SOS2: variants seen among roughly 807,000 people sequenced by gnomAD.
SOS2 encodes the protein son of sevenless homolog 2.
SOS2 carries 65 observed loss-of-function variants against 148.2 expected under a neutral mutation model. The observed-to-expected ratio is 0.44, with a 90% CI of 0.36 to 0.54. SOS2 has a LOEUF of 0.54. SOS2 is among the 20% of genes least tolerant of loss of function. SOS2 has a pLI of 0.00. For synonymous variants in SOS2, 539 were observed against 537.1 expected (o/e 1.00, Z -0.05); for missense variants, 1,341 against 1,590.2 (o/e 0.84, Z 2.67).
intron 1 of SOS2, among the ~76,000 whole-genome samples, chr14:50,213,118 C>T (rs929435396): frequency 4.6e-5 from 7 of 151,846 alleles, no homozygotes; most frequent in African/African-American, 1.7e-4. Flanking sequence ...CAAAGGAATG[C>T]CCAGGATAAA....
At chr14:50,138,129 C>A (rs1166968742) in intron 18 of SOS2, among the ~76,000 whole-genome samples, 2 of 151,686 alleles carry the variant, frequency 1.3e-5, no homozygotes, top group Non-Finnish European at 2.9e-5. Context: ...GCGTGAGCCA[C>A]CATGCCCAGC....
chr14:50,214,861 A>C (rs1278755816), intron 1 of SOS2, among the ~76,000 whole-genome samples: 1 of 131,954 alleles, frequency 7.6e-6, no homozygotes, highest in Non-Finnish European at 1.6e-5. Context: ...TTTGAGACGG[A>C]GTCTTGTTCT....
At chr14:50,137,429 ATCAT>A (rs1453180706) in intron 18 of SOS2, among the ~76,000 whole-genome samples, 1 of 152,214 alleles carries the variant, frequency 6.6e-6, no homozygotes, top group Admixed American at 6.5e-5. Context: ...CTGCATGGAC[ATCAT>A]TCTACTTTGT....
At chr14:50,153,044 T>C in intron 13 of SOS2, 26 bp downstream of exon 13, 1 of 1,093,972 alleles carries the variant, frequency 9.1e-7, no homozygotes. Flanking sequence ...CAATATAAGA[T>C]TCAATCAAAC....
chr14:50,206,682 C>T (rs1886667700), intron 1 of SOS2, among the ~76,000 whole-genome samples: 1 of 152,114 alleles, frequency 6.6e-6, no homozygotes, highest in African/African-American at 2.4e-5. Flanking sequence ...ATTATGGTTT[C>T]TTCTTTCACC....
intron 8 of SOS2, among the ~76,000 whole-genome samples, chr14:50,170,743 G>C (rs1348515717): frequency 6.7e-6 from 1 of 150,370 alleles, no homozygotes. Flanking sequence ...AACATTACTA[G>C]TCATTAGGAA....
At chr14:50,170,464 T>C (rs1004440407) in intron 8 of SOS2, among the ~76,000 whole-genome samples, 14 of 152,024 alleles carry the variant, frequency 9.2e-5, no homozygotes, top group African/African-American at 2.9e-4. Flanking sequence ...GGCAGGCAGA[T>C]TGCTTGAGCC....
intron 10 of SOS2, among the ~76,000 whole-genome samples, chr14:50,159,106 C>T (rs1185719773): frequency 4.6e-5 from 7 of 151,768 alleles, no homozygotes; most frequent in Non-Finnish European, 1.0e-4. Flanking sequence ...AGGAGAATGG[C>T]GTGAACCCAG....
intron 12 of SOS2, among the ~76,000 whole-genome samples, chr14:50,154,224 C>T (rs1003005778): frequency 1.3e-5 from 2 of 152,122 alleles, no homozygotes; most frequent in Non-Finnish European, 2.9e-5. Context: ...CCAATTTACT[C>T]CTACAACTCA....
chr14:50,199,564 G>A, intron 4 of SOS2, 127 bp downstream of exon 4: 1 of 495,690 alleles, frequency 2.0e-6, no homozygotes, highest in Non-Finnish European at 3.4e-6. Flanking sequence ...TGTAAAGCCA[G>A]GATTTTTCTC....
intron 14 of SOS2, among the ~76,000 whole-genome samples, chr14:50,148,436 T>A (rs920973040): frequency 5.9e-5 from 9 of 151,718 alleles, no homozygotes; most frequent in Admixed American, 1.3e-4. Context: ...AAAAATTTAG[T>A]TTACAAATGA....
rs36076916 is a variant in SOS2 at position 50,189,102 on chromosome 14, C to CACACAT, written c.511-403_511-402insATGTGT. On this transcript the variant is annotated intron_variant, in intron 4 of 22. Coordinates refer to ENST00000216373, the MANE Select transcript of SOS2 (RefSeq NM_006939.4). ...ACACACACACACACACACACACACA[C>CACACAT]GCACACACAAATATTACACAATGAG... Among the ~76,000 whole-genome samples, 98 of 145,402 alleles carry CACACAT rather than the reference C, an allele frequency of 6.7e-4. 1 individual carries two copies. Among genetic ancestry groups the CACACAT allele is most frequent in the Middle Eastern group, 3.5e-3 (1 of 284 alleles).
intron 16 of SOS2, among the ~76,000 whole-genome samples, chr14:50,143,025 C>G (rs1017600293): frequency 1.3e-5 from 2 of 151,996 alleles, no homozygotes; most frequent in Middle Eastern, 3.2e-3. Context: ...ATATGTGCAA[C>G]TAAATAAAAA....
rs28734119 is a variant in SOS2 at position 50,180,772 on chromosome 14, G to A, written c.859-90C>T. 195,999 of 699,202 alleles carry A rather than the reference G, an allele frequency of 0.28. 28,664 individuals carry two copies. The highest frequency in any genetic ancestry group is 0.41 in the Admixed American group (12,408 of 30,194). The allele number at this position is 699,202 out of a possible 1,614,324, so 43.3% of individuals were successfully genotyped here. ...AGATTATTATCACTTGATCCCAGGA[G>A]TTCGAGGTTACAGTGAGCTATGATT... On this transcript the variant is annotated intron_variant, in intron 6 of 22. Coordinates refer to ENST00000216373, the MANE Select transcript of SOS2 (RefSeq NM_006939.4).
At chr14:50,131,379 T>C (rs545717434) in intron 19 of SOS2, among the ~76,000 whole-genome samples, 4 of 152,162 alleles carry the variant, frequency 2.6e-5, no homozygotes, top group African/African-American at 9.7e-5. Flanking sequence ...ATTTAACCCC[T>C]TGGAATCTCA....
chr14:50,169,411 G>T (rs1885286888), intron 8 of SOS2, among the ~76,000 whole-genome samples: 1 of 151,886 alleles, frequency 6.6e-6, no homozygotes, highest in African/African-American at 2.4e-5. Flanking sequence ...GAAGGCAGGT[G>T]GATCACTTGA....
chr14:50,155,010 A>T (rs2139610486), intron 12 of SOS2, among the ~76,000 whole-genome samples: 1 of 152,314 alleles, frequency 6.6e-6, no homozygotes, highest in African/African-American at 2.4e-5. Flanking sequence ...CTGAACTGTT[A>T]ATGACATACA....
chr14:50,161,341 C>G, intron 9 of SOS2, 141 bp downstream of exon 9: 1 of 640,528 alleles, frequency 1.6e-6, no homozygotes, highest in Non-Finnish European at 2.6e-6. Flanking sequence ...AGTAAAAGAC[C>G]AACATAAAAG....
chr14:50,162,897 A>C (rs12881719), intron 8 of SOS2, among the ~76,000 whole-genome samples: 1 of 88,346 alleles, frequency 1.1e-5, no homozygotes, highest in Non-Finnish European at 3.0e-5. Context: ...CAATGTTTTG[A>C]TTTTTTTTTT....
Sources: allele counts gnomAD v4.1 joint callset (sites outside exome capture counted in the v4.1 genomes callset), GRCh38; gene constraint gnomAD v4.1.1; transcripts MANE v1.5; gene names NCBI Gene and HGNC (gene_info 2026-07-23, HGNC 2026-07-21).